The following ASAP2 variants were observed in gnomAD, a reference collection of about 807,000 sequenced individuals.
ASAP2 encodes the protein ArfGAP with SH3 domain, ankyrin repeat and PH domain 2.
Under a neutral mutation model 131.4 loss-of-function variants are expected in ASAP2, and 45 were observed. That is an observed-to-expected ratio of 0.34 (90% CI 0.27 to 0.44). The LOEUF (loss-of-function observed/expected upper bound fraction) is 0.44, where lower values mean the gene tolerates loss of function less well. Among genes scored for constraint, ASAP2 ranks in the 20% least tolerant of loss-of-function variants. The pLI, the probability that ASAP2 is intolerant of heterozygous loss-of-function variation, is 1.00. For missense variants in ASAP2, 1,011 were observed against 1,297.0 expected, an observed-to-expected ratio of 0.78 and a Z score of 3.39; for synonymous variants, 510 against 503.0, an observed-to-expected ratio of 1.01 and a Z score of -0.19.
chr2:9,219,705 A>G (rs1662287086), intron 1 of ASAP2, among the ~76,000 whole-genome samples: 1 of 152,236 alleles, frequency 6.6e-6, no homozygotes, highest in African/African-American at 2.4e-5. Context: ...TAGAATTCAC[A>G]TACCATAGAA....
At chr2:9,361,971 CTGCGTG>C (rs979897192) in intron 15 of ASAP2, among the ~76,000 whole-genome samples, 52 of 91,398 alleles carry the variant, frequency 5.7e-4, no homozygotes, top group African/African-American at 2.4e-3. Flanking sequence ...ATCTCTTTCT[CTGCGTG>C]TGTGTGTGTG....
rs1553297027 is a variant in ASAP2, at chr2:9,254,254, T to TATATATACACAC, written c.127-25062_127-25061insTATATACACACA. 5.3e-3 allele frequency among the ~76,000 whole-genome samples: 346 copies of TATATATACACAC among 65,700 alleles called. 21 individuals carry two copies. Among genetic ancestry groups the TATATATACACAC allele is most frequent in the African/African-American group, 0.025 (332 of 13,506 alleles). 43.1% of individuals were successfully genotyped at this position (65,700 alleles called of 152,430 possible). Reference sequence around the variant, plus strand: ...AAAAAAAAATATATATATATATATATACACGTGTGTGTGTATGCATATATA... The same window carrying TATATATACACAC: ...AAAAAAAAATATATATATATATATATATATATACACACACACGTGTGTGTGTATGCATATATA... On this transcript the variant is annotated intron_variant, in intron 1 of 27. Coordinates refer to ENST00000281419, the MANE Select transcript of ASAP2 (RefSeq NM_003887.3).
chr2:9,247,959 C>T (rs2148117516), intron 1 of ASAP2, among the ~76,000 whole-genome samples: 1 of 152,310 alleles, frequency 6.6e-6, no homozygotes, highest in Non-Finnish European at 1.5e-5. Context: ...AATTATGCTC[C>T]ACTTATCCAG....
At chr2:9,284,797 G>A (rs775343235) in intron 2 of ASAP2, among the ~76,000 whole-genome samples, 1 of 152,196 alleles carries the variant, frequency 6.6e-6, no homozygotes, top group Non-Finnish European at 1.5e-5. Context: ...TGCTTTCTTA[G>A]TGTAGGAGGG....
intron 4 of ASAP2, among the ~76,000 whole-genome samples, chr2:9,319,497 C>T (rs895683491): frequency 1.3e-5 from 2 of 152,242 alleles, no homozygotes; most frequent in South Asian, 2.1e-4. Context: ...GGCGGGAAGG[C>T]ATCCCAGGCA....
chr2:9,309,085 C>T (rs1017828892), intron 3 of ASAP2, among the ~76,000 whole-genome samples: 8 of 152,120 alleles, frequency 5.3e-5, no homozygotes, highest in Admixed American at 3.3e-4. Context: ...CTCTCTGCCC[C>T]GCCTCCTTTG....
chr2:9,374,620 C>A (rs1374230560), intron 16 of ASAP2, 135 bp from the exon 17 acceptor site: 6 of 821,122 alleles, frequency 7.3e-6, no homozygotes, highest in Non-Finnish European at 1.1e-5. Context: ...CGGCCACTCC[C>A]GCTTTGTGTT....
At chr2:9,315,297 C>T (rs1468366346) in intron 3 of ASAP2, among the ~76,000 whole-genome samples, 1 of 152,192 alleles carries the variant, frequency 6.6e-6, no homozygotes, top group African/African-American at 2.4e-5. Flanking sequence ...GAAGCGGCAG[C>T]AGGGAGCAGG....
chr2:9,316,922 C>A (rs1669712758), intron 3 of ASAP2, among the ~76,000 whole-genome samples: 5 of 133,882 alleles, frequency 3.7e-5, no homozygotes, highest in Admixed American at 3.0e-4. Context: ...CCAACACACA[C>A]CCCCTCACAA....
intron 11 of ASAP2, among the ~76,000 whole-genome samples, chr2:9,345,064 T>C (rs1405275925): frequency 6.6e-6 from 1 of 152,038 alleles, no homozygotes; most frequent in Admixed American, 6.5e-5. Flanking sequence ...CTTGTTATCT[T>C]CCACTCCCTA....
chr2:9,330,774 C>A (rs1244519546), intron 7 of ASAP2, among the ~76,000 whole-genome samples: 1 of 152,166 alleles, frequency 6.6e-6, no homozygotes, highest in South Asian at 2.1e-4. Context: ...TTCCTTCCCC[C>A]GCCCCTTTAT....
intron 1 of ASAP2, among the ~76,000 whole-genome samples, chr2:9,212,088 A>G (rs771652192): frequency 2.6e-4 from 40 of 152,132 alleles, no homozygotes; most frequent in African/African-American, 9.7e-4. Flanking sequence ...GCTCAAGAGT[A>G]GAAGTACTGA....
chr2:9,355,977 A>G, intron 12 of ASAP2, 70 bp from the exon 13 acceptor site: 3 of 1,555,100 alleles, frequency 1.9e-6, no homozygotes, highest in Non-Finnish European at 2.7e-6. Flanking sequence ...CTAATTAGAA[A>G]CTATTTTCTT....
chr2:9,298,605 A>G (rs758133468), intron 3 of ASAP2, among the ~76,000 whole-genome samples: 1 of 152,176 alleles, frequency 6.6e-6, no homozygotes, highest in Non-Finnish European at 1.5e-5. Flanking sequence ...CCTCAGCCCC[A>G]TGCCCTGGAC....
intron 2 of ASAP2, among the ~76,000 whole-genome samples, chr2:9,294,752 C>T (rs1248463910): frequency 2.0e-5 from 3 of 152,208 alleles, no homozygotes; most frequent in Non-Finnish European, 4.4e-5. Flanking sequence ...TGCATAGAGT[C>T]TTCAGCTTCT....
At chr2:9,391,691 C>T (rs1675737159) in intron 23 of ASAP2, among the ~76,000 whole-genome samples, 1 of 150,694 alleles carries the variant, frequency 6.6e-6, no homozygotes, top group East Asian at 2.0e-4. Context: ...CGTCCTGCCT[C>T]AGCCTCCCAG....
chr2:9,257,000 T>G (rs1665213329), intron 1 of ASAP2, among the ~76,000 whole-genome samples: 1 of 152,208 alleles, frequency 6.6e-6, no homozygotes. Flanking sequence ...GCCTCCTGCC[T>G]GCTAACAGCC....
At chr2:9,399,668 A>G in intron 24 of ASAP2, 1 of 312,578 alleles carries the variant, frequency 3.2e-6, no homozygotes, top group Non-Finnish European at 6.0e-6. Context: ...GTTAAGGTTC[A>G]GCCCTGCCCT....
At chr2:9,298,379 A>G (rs1303009628) in intron 3 of ASAP2, among the ~76,000 whole-genome samples, 1 of 152,248 alleles carries the variant, frequency 6.6e-6, no homozygotes, top group Non-Finnish European at 1.5e-5. Flanking sequence ...CCTAATGGGA[A>G]GGGGAAGAGC....
Sources: allele counts gnomAD v4.1 joint callset (sites outside exome capture counted in the v4.1 genomes callset), GRCh38; gene constraint gnomAD v4.1.1; transcripts MANE v1.5; gene names NCBI Gene and HGNC (gene_info 2026-07-23, HGNC 2026-07-21).